The following PDXDC1 variants were observed in gnomAD, a reference collection of about 807,000 sequenced individuals.
The protein encoded by PDXDC1 is pyridoxal dependent decarboxylase domain containing 1.
Under a neutral mutation model 100.1 loss-of-function variants are expected in PDXDC1, and 42 were observed. That is an observed-to-expected ratio of 0.42 (90% CI 0.33 to 0.54). The LOEUF is 0.54. PDXDC1 is among the 20% of genes least tolerant of loss of function. PDXDC1 has a pLI of 0.10. For synonymous variants in PDXDC1, 260 were observed against 371.7 expected (o/e 0.70, Z 3.46); for missense variants, 636 against 979.2 (o/e 0.65, Z 4.68).
intron 1 of PDXDC1, among the ~76,000 whole-genome samples, chr16:14,991,267 A>ATGTGTGTGTGTGTG (rs10642182): frequency 1.6e-4 from 24 of 149,764 alleles, no homozygotes; most frequent in African/African-American, 4.0e-4. Context: ...GTATATAGAT[A>ATGTGTGTGTGTGTG]TGTGTGTGTG....
rs2043274795 is a variant in PDXDC1, at chr16:15,034,476, C to T, written c.1925C>T (p.Pro642Leu). The T allele has an allele frequency of 6.2e-7, 1 of 1,614,022 alleles. No homozygotes were observed. The highest frequency in any genetic ancestry group is 1.3e-5 in the African/African-American group (1 of 74,940). The change falls in exon 21 of 23, where the codon CCT becomes CTT. Residue 642 changes from proline to leucine, a missense_variant. This residue lies in a region of PDXDC1 where 452 missense variants were observed against 402.9 expected (regional missense o/e 1.12). Transcript: ENST00000396410. Reference sequence around the variant, plus strand: ...TTGCAGGGGGTGTTGCGGCAGATCCCTGTAGTGGGCTCCGTGCTGAATTGG... The same window carrying T: ...TTGCAGGGGGTGTTGCGGCAGATCCTTGTAGTGGGCTCCGTGCTGAATTGG... ...LLEEGVLRQI[P>L]VVGSVLNWFS...
At position 15,093,857 on chromosome 16, in the gene PDXDC1, G is replaced by T; in HGVS notation, c.1400-45022G>T. The T allele has an allele frequency of 8.6e-6, 4 of 465,910 alleles. No homozygotes were observed. In the East Asian group the frequency reaches 1.7e-4, roughly 20 times the overall value. 28.9% of individuals were successfully genotyped at this position (465,910 alleles called of 1,614,324 possible). A position where few individuals can be genotyped will look rare whatever the true frequency, so the allele number is the denominator to read the frequency against. ...ATTTGGACGAAGAAGAGGGAAGGAA[G>T]AGGGGTCAAGGCGCAGAAGGCAGTA... On this transcript the variant is annotated intron_variant, in intron 16 of 16. Coordinates refer to the PDXDC1 transcript ENST00000535621.
chr16:15,055,958 A>G, intron 16 of PDXDC1: 1 of 1,227,946 alleles, frequency 8.1e-7, no homozygotes, highest in Non-Finnish European at 1.0e-6. Context: ...CCGCCCCTCG[A>G]CGAGCAGCGG....
chr16:15,111,503 T>TA (rs1300101610), intron 16 of PDXDC1, among the ~76,000 whole-genome samples: 2 of 147,036 alleles, frequency 1.4e-5, no homozygotes, highest in Non-Finnish European at 3.0e-5. Context: ...CTCACGCCTG[T>TA]AATCCTAGCA....
chr16:15,092,122 T>C (rs1208604563), intron 16 of PDXDC1, among the ~76,000 whole-genome samples: 2 of 152,118 alleles, frequency 1.3e-5, no homozygotes, highest in Non-Finnish European at 2.9e-5. Flanking sequence ...GAGGATGCAG[T>C]GAGCCGAGGT....
chr16:15,124,415 C>T (rs1461256632), intron 16 of PDXDC1, among the ~76,000 whole-genome samples: 2 of 152,090 alleles, frequency 1.3e-5, no homozygotes, highest in African/African-American at 4.8e-5. Context: ...TCTATTGATG[C>T]TACAAATAGA....
intron 16 of PDXDC1, chr16:15,076,383 A>G: frequency 3.2e-6 from 2 of 627,308 alleles, no homozygotes; most frequent in Non-Finnish European, 2.9e-6. Context: ...AAATAGACCA[A>G]CTATGCTAAG....
intron 13 of PDXDC1, among the ~76,000 whole-genome samples, chr16:15,024,073 T>C (rs942578537): frequency 1.3e-5 from 2 of 152,286 alleles, no homozygotes; most frequent in African/African-American, 4.8e-5. Context: ...ATTCTCAAAT[T>C]GGGGGACCCA....
intron 16 of PDXDC1, among the ~76,000 whole-genome samples, chr16:15,053,730 G>C (rs2044386131): frequency 6.6e-6 from 1 of 152,046 alleles, no homozygotes; most frequent in South Asian, 2.1e-4. Flanking sequence ...GGCCAACATG[G>C]TGAAAACCCG....
intron 16 of PDXDC1, among the ~76,000 whole-genome samples, chr16:15,069,774 C>A (rs1434953686): frequency 6.6e-6 from 1 of 152,188 alleles, no homozygotes; most frequent in African/African-American, 2.4e-5. Context: ...GCTGGCACAG[C>A]CCAGGGCTCA....
intron 16 of PDXDC1, chr16:15,073,143 A>G: frequency 6.5e-7 from 1 of 1,549,708 alleles, no homozygotes; most frequent in Non-Finnish European, 8.8e-7. Flanking sequence ...CATCTGCCAT[A>G]TTTTTTATAA....
chr16:15,092,945 T>C (rs2046195386), intron 16 of PDXDC1, among the ~76,000 whole-genome samples: 2 of 152,174 alleles, frequency 1.3e-5, no homozygotes, highest in African/African-American at 4.8e-5. Context: ...AGCCAAGCTG[T>C]TTTTCATTTC....
chr16:15,061,608 C>A (rs2044712382), intron 16 of PDXDC1: 1 of 703,758 alleles, frequency 1.4e-6, no homozygotes, highest in Admixed American at 3.0e-5. Context: ...TCAGTCGAAC[C>A]TGGAAGTGCC....
At chr16:15,000,903 A>G (rs1457365735) in intron 3 of PDXDC1, among the ~76,000 whole-genome samples, 3 of 148,962 alleles carry the variant, frequency 2.0e-5, no homozygotes, top group Non-Finnish European at 4.5e-5. Flanking sequence ...ATTATATTTT[A>G]TATAATATAT....
chr16:15,133,682 G>C lies in PDXDC1; in HGVS notation c.1400-5197G>C. 3 of 1,589,578 alleles carry C rather than the reference G, an allele frequency of 1.9e-6. No homozygotes were observed. In the South Asian group the frequency reaches 3.3e-5, roughly 18 times the overall value. ...CAGGGCGTACACCAGCGGGGCGCCAGCATCCTCCGCGTCATGCCAGCCTGA... is the reference window on the plus strand; with the variant it reads ...CAGGGCGTACACCAGCGGGGCGCCACCATCCTCCGCGTCATGCCAGCCTGA... On this transcript the variant is annotated intron_variant, in intron 16 of 16. Transcript: ENST00000535621.
chr16:15,041,193 A>C (rs1311123573), downstream of PDXDC1: 1 of 1,018,564 alleles, frequency 9.8e-7, no homozygotes, highest in South Asian at 1.3e-5. Flanking sequence ...TTGTATAATA[A>C]AGGCGAAGGA....
At chr16:15,076,448 T>G in intron 16 of PDXDC1, 1 of 805,856 alleles carries the variant, frequency 1.2e-6, no homozygotes, top group Non-Finnish European at 2.2e-6. Context: ...TCAAGTTTGC[T>G]GAACTATTTT....
At chr16:15,132,577 G>A (rs971373100) in intron 16 of PDXDC1, 9 of 679,822 alleles carry the variant, frequency 1.3e-5, no homozygotes, top group East Asian at 2.7e-5. Flanking sequence ...ACTGAAGCAG[G>A]TCAGAGACCG....
chr16:15,101,476 C>T (rs1248190216), intron 16 of PDXDC1, among the ~76,000 whole-genome samples: 1 of 152,014 alleles, frequency 6.6e-6, no homozygotes, highest in Non-Finnish European at 1.5e-5. Context: ...ACTACCATGC[C>T]CAGCTGTTTT....
Sources: gnomAD v4.1 joint callset for allele counts (sites outside exome capture counted in the v4.1 genomes callset) on GRCh38, gnomAD v4.1.1 for gene constraint, gnomAD v4.1.1 regional missense constraint, MANE v1.5 for transcripts, NCBI Gene and HGNC (gene_info 2026-07-23, HGNC 2026-07-21) for gene names.